The following FARS2 variants were observed in gnomAD, a reference collection of about 807,000 sequenced individuals.
FARS2 encodes the protein phenylalanyl-tRNA synthetase 2, mitochondrial.
In FARS2, 40 loss-of-function variants were observed where a neutral mutation model predicts 46.4. The ratio of observed to expected loss-of-function variants is 0.86; its 90% CI spans 0.67 to 1.12. The LOEUF is 1.12. Ranked by LOEUF, FARS2 falls within the 50% of genes most tolerant of loss-of-function variation. FARS2 has a pLI of 0.00. For missense variants in FARS2, 513 were observed against 567.9 expected (o/e 0.90, Z 0.98); for synonymous variants, 234 against 214.9 (o/e 1.09, Z -0.78).
chr6:5,268,944 T>G (rs1390324512), intron 1 of FARS2, among the ~76,000 whole-genome samples: 2 of 152,140 alleles, frequency 1.3e-5, no homozygotes, highest in Non-Finnish European at 2.9e-5. Flanking sequence ...GATTCCTAGG[T>G]ATTAGAACTA....
chr6:5,387,713 C>T (rs1040961396), intron 2 of FARS2, among the ~76,000 whole-genome samples: 2 of 152,184 alleles, frequency 1.3e-5, no homozygotes, highest in South Asian at 2.1e-4. Flanking sequence ...GTCTCTGCTC[C>T]AGAGGTCGTG....
chr6:5,759,128 A>G (rs1348912172), intron 6 of FARS2, among the ~76,000 whole-genome samples: 1 of 152,216 alleles, frequency 6.6e-6, no homozygotes, highest in Non-Finnish European at 1.5e-5. Context: ...CCCATAGCTC[A>G]GAGGAGGAGA....
rs1388616432 is a variant in FARS2, at chr6:5,609,464, A to G, written c.1066-3705A>G. 5.7e-6 allele frequency: 7 copies of G among 1,222,382 alleles called. No homozygotes were observed. The Admixed American group carries it at 1.0e-4, about 18-fold the overall frequency. The allele number at this position is 1,222,382 out of a possible 1,614,324, so 75.7% of individuals were successfully genotyped here. On this transcript the variant is annotated intron_variant, in intron 5 of 6. Coordinates refer to ENST00000274680, the MANE Select transcript of FARS2 (RefSeq NM_006567.5). ...CATCATTACCAAATCCATTATAGCC[A>G]TCCGCCCTGCCACCATATCCACCAC...
intron 1 of FARS2, among the ~76,000 whole-genome samples, chr6:5,299,498 G>A (rs1469662714): frequency 6.6e-6 from 1 of 152,156 alleles, no homozygotes; most frequent in African/African-American, 2.4e-5. Context: ...CTTGGACTGT[G>A]GCTTTAAGCT....
At chr6:5,469,454 A>G (rs770708658) in intron 4 of FARS2, among the ~76,000 whole-genome samples, 9 of 152,218 alleles carry the variant, frequency 5.9e-5, no homozygotes, top group Non-Finnish European at 7.3e-5. Flanking sequence ...AAACAGCTGC[A>G]GAGAGCTGAG....
intron 6 of FARS2, among the ~76,000 whole-genome samples, chr6:5,631,702 G>C (rs1313172679): frequency 6.6e-6 from 1 of 152,138 alleles, no homozygotes; most frequent in Non-Finnish European, 1.5e-5. Flanking sequence ...ATTGAACCCT[G>C]TACCATGTGA....
chr6:5,277,054 T>C (rs1191124265), intron 1 of FARS2, among the ~76,000 whole-genome samples: 1 of 152,234 alleles, frequency 6.6e-6, no homozygotes, highest in Non-Finnish European at 1.5e-5. Context: ...CTAATTCAAA[T>C]AGAAGCTGCT....
At chr6:5,313,418 T>G (rs1450196997) in intron 1 of FARS2, among the ~76,000 whole-genome samples, 1 of 152,242 alleles carries the variant, frequency 6.6e-6, no homozygotes, top group African/African-American at 2.4e-5. Context: ...GGGCCGTTCC[T>G]TATCATTTTA....
At chr6:5,607,956 A>G (rs568722790) in intron 5 of FARS2, among the ~76,000 whole-genome samples, 2 of 150,324 alleles carry the variant, frequency 1.3e-5, no homozygotes, top group South Asian at 4.4e-4. Flanking sequence ...AACATTGATT[A>G]TATTGCTACT....
chr6:5,410,440 G>C (rs1465048885), intron 3 of FARS2, among the ~76,000 whole-genome samples: 2 of 152,156 alleles, frequency 1.3e-5, no homozygotes, highest in Non-Finnish European at 2.9e-5. Context: ...GGGATTACAG[G>C]CGTGAGCCAC....
chr6:5,472,137 A>G (rs924548070), intron 4 of FARS2, among the ~76,000 whole-genome samples: 2 of 152,168 alleles, frequency 1.3e-5, no homozygotes, highest in African/African-American at 4.8e-5. Flanking sequence ...ATAGATGTAT[A>G]TTAATGACGA....
chr6:5,723,194 G>A (rs1249007769), intron 6 of FARS2, among the ~76,000 whole-genome samples: 1 of 152,176 alleles, frequency 6.6e-6, no homozygotes, highest in Non-Finnish European at 1.5e-5. Context: ...AGTGTGTCGG[G>A]AGCCGTGGGT....
chr6:5,447,477 T>G (rs2150255477), intron 4 of FARS2, among the ~76,000 whole-genome samples: 1 of 152,336 alleles, frequency 6.6e-6, no homozygotes, highest in Non-Finnish European at 1.5e-5. Flanking sequence ...TTCTCTACCT[T>G]AAGCTGCCTA....
intron 1 of FARS2, among the ~76,000 whole-genome samples, chr6:5,286,527 A>G (rs1303569357): frequency 6.6e-6 from 1 of 152,178 alleles, no homozygotes; most frequent in African/African-American, 2.4e-5. Context: ...CCAGACTGCT[A>G]GGATCATAGG....
At chr6:5,732,762 T>C (rs1760716267) in intron 6 of FARS2, among the ~76,000 whole-genome samples, 1 of 151,686 alleles carries the variant, frequency 6.6e-6, no homozygotes, top group Non-Finnish European at 1.5e-5. Context: ...CCTCTTCGCT[T>C]CCCTCTTTCT....
intron 6 of FARS2, among the ~76,000 whole-genome samples, chr6:5,650,798 A>C (rs1430762056): frequency 6.6e-6 from 1 of 152,194 alleles, no homozygotes; most frequent in Non-Finnish European, 1.5e-5. Context: ...CATTTCCAAT[A>C]AACAATTCCT....
chr6:5,465,696 C>T (rs79410979), intron 4 of FARS2, among the ~76,000 whole-genome samples: 5,501 of 152,030 alleles, frequency 0.036, 306 homozygotes, highest in African/African-American at 0.13. Flanking sequence ...TGGTATTTGT[C>T]AGAAATTATT....
intron 6 of FARS2, among the ~76,000 whole-genome samples, chr6:5,624,817 G>C (rs746276882): frequency 6.6e-5 from 10 of 152,148 alleles, no homozygotes; most frequent in Non-Finnish European, 1.5e-4. Flanking sequence ...GGGTAGGGTG[G>C]GGCGGCCCCG....
chr6:5,446,295 C>A, intron 4 of FARS2, among the ~76,000 whole-genome samples: 1 of 152,032 alleles, frequency 6.6e-6, no homozygotes, highest in South Asian at 2.1e-4. Context: ...TTCAGAACAT[C>A]CATTTATCAT....
Sources: allele counts gnomAD v4.1 joint callset (sites outside exome capture counted in the v4.1 genomes callset), GRCh38; gene constraint gnomAD v4.1.1; transcripts MANE v1.5; gene names NCBI Gene and HGNC (gene_info 2026-07-23, HGNC 2026-07-21).